DCAF5: variants seen among roughly 807,000 people sequenced by gnomAD.
DCAF5 encodes DDB1- and CUL4-associated factor 5.
DCAF5 carries 9 observed loss-of-function variants against 80.7 expected under a neutral mutation model. The observed-to-expected ratio is 0.11, with a 90% confidence interval of 0.07 to 0.19. The LOEUF (loss-of-function observed/expected upper bound fraction) is 0.19. Among genes scored for constraint, DCAF5 ranks in the 10% least tolerant of loss-of-function variants. The probability of loss-of-function intolerance (pLI) is 1.00; values close to 1 mark genes in which losing one functional copy is unlikely to be tolerated. For missense variants in DCAF5, 842 were observed against 1,205.7 expected, an observed-to-expected ratio of 0.70 and a Z score of 4.47; for synonymous variants, 433 against 461.9, an observed-to-expected ratio of 0.94 and a Z score of 0.80.
chr14:69,100,865 A>T (rs2039928982), intron 5 of DCAF5, among the ~76,000 whole-genome samples: 1 of 152,236 alleles, frequency 6.6e-6, no homozygotes, highest in African/African-American at 2.4e-5. Context: ...CCCAACACAT[A>T]AAACATAAGG....
chr14:69,075,022 G>A (rs1364118535), intron 7 of DCAF5, among the ~76,000 whole-genome samples: 2 of 145,434 alleles, frequency 1.4e-5, no homozygotes, highest in Admixed American at 1.4e-4. Flanking sequence ...CAACAAGAGT[G>A]AAACTTTGTC....
chr14:69,058,802 A>T (rs149915055), intron 8 of DCAF5, among the ~76,000 whole-genome samples: 3,028 of 145,850 alleles, frequency 0.021, 107 homozygotes, highest in African/African-American at 0.073. Context: ...AAGCCTGGGG[A>T]GGTTGAGGCT....
intron 5 of DCAF5, among the ~76,000 whole-genome samples, chr14:69,103,397 G>T (rs2040031005): frequency 6.6e-6 from 1 of 152,182 alleles, no homozygotes; most frequent in Non-Finnish European, 1.5e-5. Flanking sequence ...AGTTTTAAAA[G>T]GAGAACATTA....
In DCAF5 at chr14:69,123,687, C is replaced by T. The variant is rs1220359338; in HGVS notation, c.215-1327G>A. Among the ~76,000 whole-genome samples the T allele has an allele frequency of 6.6e-5, 10 of 152,218 alleles. No homozygotes were observed. The East Asian group carries it at 1.9e-3, about 29-fold the overall frequency. ...CAATAAACAATAACTCCTCCCAGTG[C>T]CTAGTCACTGTTCTTTTTTTTTGAG... is the stretch of plus-strand genomic sequence containing the variant. On this transcript the variant is annotated intron_variant, in intron 1 of 8. Transcript: ENST00000341516.
intron 1 of DCAF5, among the ~76,000 whole-genome samples, chr14:69,143,607 G>A (rs1194549489): frequency 2.3e-5 from 3 of 128,986 alleles, no homozygotes; most frequent in Non-Finnish European, 4.7e-5. Flanking sequence ...GCTGAACATT[G>A]GGCGAGGCAT....
chr14:69,064,028 T>C (rs975853977), intron 7 of DCAF5, among the ~76,000 whole-genome samples: 9 of 152,168 alleles, frequency 5.9e-5, no homozygotes, highest in Non-Finnish European at 1.2e-4. Context: ...GGATTTTTCA[T>C]GGAGAAAGAG....
intron 7 of DCAF5, among the ~76,000 whole-genome samples, chr14:69,073,780 T>C (rs2038794284): frequency 6.6e-6 from 1 of 152,216 alleles, no homozygotes; most frequent in South Asian, 2.1e-4. Flanking sequence ...AGAAGAAGGA[T>C]TATCCACATT....
chr14:69,093,987 G>A (rs940868114), intron 5 of DCAF5, among the ~76,000 whole-genome samples: 3 of 152,200 alleles, frequency 2.0e-5, no homozygotes, highest in African/African-American at 7.2e-5. Context: ...TTCCTTTACA[G>A]GGTGCTGTGG....
intron 7 of DCAF5, among the ~76,000 whole-genome samples, chr14:69,067,762 G>A (rs1252538404): frequency 1.3e-5 from 2 of 151,576 alleles, no homozygotes; most frequent in African/African-American, 2.4e-5. Context: ...TCAGCCTCCC[G>A]AGTAGCTGGG....
chr14:69,062,506 T>C lies in DCAF5; in HGVS notation c.952A>G (p.Ile318Val). 1 of 1,612,024 alleles carries C rather than the reference T, an allele frequency of 6.2e-7. No homozygotes were observed. The highest frequency in any genetic ancestry group is 8.5e-7 in the Non-Finnish European group (1 of 1,178,878). Residue 318 changes from isoleucine to valine, a missense_variant, in exon 8 of 9, where the codon ATT becomes GTT. Ile to Val is a conservative substitution (Grantham distance 29, BLOSUM62 3). Transcript: ENST00000341516. ...AAGGCTCCGTTGACCACCCTACCAATGCCACCTGGGAAAACAGAAGGAAAC... is the reference window on the plus strand; with the variant it reads ...AAGGCTCCGTTGACCACCCTACCAACGCCACCTGGGAAAACAGAAGGAAAC... ...RIPADPEAGG[I>V]GRVVNGAFMV...
chr14:69,100,108 T>C (rs2039898141), intron 5 of DCAF5, among the ~76,000 whole-genome samples: 1 of 152,196 alleles, frequency 6.6e-6, no homozygotes. Flanking sequence ...CAAAAATAGA[T>C]AGTGATATAC....
rs116956410 is a variant in DCAF5 at position 69,055,794 on chromosome 14, C to T, written c.1075-183G>A. 4.4e-3 allele frequency among the ~76,000 whole-genome samples: 665 copies of T among 152,242 alleles called. 7 individuals are homozygous for T. Among genetic ancestry groups the T allele is most frequent in the Middle Eastern group, 0.027 (8 of 294 alleles). ...GGATCATGTGGGTTATGTATGAAAA[C>T]TGAGGTTTTTAGAATCAGATGTGGG... is the stretch of plus-strand genomic sequence containing the variant. On this transcript the variant is annotated intron_variant, in intron 8 of 8. Transcript: ENST00000341516. This position sits in a 1 kb window ranked among gnomAD's most constrained non-coding sequence, Gnocchi z 5.6.
intron 1 of DCAF5, among the ~76,000 whole-genome samples, chr14:69,127,549 T>C (rs2040915892): frequency 6.6e-6 from 1 of 152,230 alleles, no homozygotes; most frequent in South Asian, 2.1e-4. Flanking sequence ...TGTATGATAC[T>C]GTAATGATGG....
chr14:69,107,536 G>A (rs1233010449), intron 5 of DCAF5, among the ~76,000 whole-genome samples: 1 of 152,180 alleles, frequency 6.6e-6, no homozygotes, highest in Non-Finnish European at 1.5e-5. Flanking sequence ...GAATCACTGG[G>A]TTAGGAAACC....
At chr14:69,141,974 T>C (rs1030257123) in intron 1 of DCAF5, among the ~76,000 whole-genome samples, 4 of 152,166 alleles carry the variant, frequency 2.6e-5, no homozygotes, top group Non-Finnish European at 5.9e-5. Flanking sequence ...TTATCAACTC[T>C]GTATCCCGAG....
At chr14:69,083,902 G>C in intron 6 of DCAF5, 1 of 776,422 alleles carries the variant, frequency 1.3e-6, no homozygotes, top group Non-Finnish European at 2.4e-6. Flanking sequence ...AGGAGCTTTT[G>C]AGGATACTTC....
At chr14:69,116,291 A>C in intron 5 of DCAF5, 75 bp downstream of exon 5, 2 of 1,539,610 alleles carry the variant, frequency 1.3e-6, no homozygotes. Flanking sequence ...TCCTTACAAC[A>C]CTTACTGGCT....
intron 1 of DCAF5, among the ~76,000 whole-genome samples, chr14:69,144,554 G>T (rs1276266464): frequency 1.3e-5 from 2 of 151,426 alleles, no homozygotes; most frequent in Non-Finnish European, 2.9e-5. Context: ...TCCAGCCGGG[G>T]CGACAGAGCG....
intron 1 of DCAF5, among the ~76,000 whole-genome samples, chr14:69,125,582 A>G (rs754219346): frequency 6.2e-4 from 94 of 152,244 alleles, no homozygotes; most frequent in Non-Finnish European, 2.4e-4. Flanking sequence ...AGATTCTCAC[A>G]AAGTGGCACA....
Sources: allele counts gnomAD v4.1 joint callset (sites outside exome capture counted in the v4.1 genomes callset), GRCh38; gene constraint gnomAD v4.1.1; non-coding constraint Gnocchi (gnomAD v3.1); transcripts MANE v1.5; gene names NCBI Gene and HGNC (gene_info 2026-07-23, HGNC 2026-07-21).